Variants in ZC3H12D observed in about 807,000 individuals in gnomAD.
ZC3H12D encodes the protein probable ribonuclease ZC3H12D.
A neutral mutation model predicts 24.2 loss-of-function variants in ZC3H12D; 11 were observed. The ratio of observed to expected loss-of-function variants is 0.46; its 90% CI spans 0.29 to 0.75. ZC3H12D has a LOEUF of 0.75. Among genes scored for constraint, ZC3H12D ranks in the 30% least tolerant of loss-of-function variants. The pLI, the probability that ZC3H12D is intolerant of heterozygous loss-of-function variation, is 0.11. For synonymous variants in ZC3H12D, 333 were observed against 341.8 expected (o/e 0.97, Z 0.28); for missense variants, 740 against 767.7 (o/e 0.96, Z 0.43).
rs1413766271 is a variant in ZC3H12D at position 149,456,986 on chromosome 6, C to T, written c.446-86G>A. The T allele has an allele frequency of 2.2e-6, 3 of 1,362,134 alleles. No individual in the cohort carries two copies. The highest frequency in any genetic ancestry group is 2.9e-5 in the African/African-American group (2 of 70,068). 84.4% of individuals were successfully genotyped at this position (1,362,134 alleles called of 1,614,324 possible). A position where few individuals can be genotyped will look rare whatever the true frequency, so the allele number is the denominator to read the frequency against. On this transcript the variant is annotated intron_variant, in intron 3 of 5. Coordinates refer to ENST00000409806, the MANE Select transcript of ZC3H12D (RefSeq NM_207360.3). The surrounding 1 kb of genome is among the most constrained non-coding windows in gnomAD (Gnocchi z 4.3). ...CCCCAACGCGAGGCCACCCGCTTCC[C>T]GGGCCGGTCAGATGAGGTTTTGAGG...
intron 2 of ZC3H12D, among the ~76,000 whole-genome samples, chr6:149,467,384 C>T (rs895914148): frequency 2.0e-5 from 3 of 152,118 alleles, no homozygotes; most frequent in Non-Finnish European, 4.4e-5. Context: ...TCCCAAGTCG[C>T]TGGGACTACA....
intron 4 of ZC3H12D, among the ~76,000 whole-genome samples, chr6:149,455,669 G>T (rs755731622): frequency 2.0e-5 from 3 of 152,154 alleles, no homozygotes; most frequent in African/African-American, 7.2e-5. Context: ...AGGGCTACAT[G>T]AACCAGCCAG....
chr6:149,459,933 A>G (rs1361187889), intron 3 of ZC3H12D, among the ~76,000 whole-genome samples: 1 of 152,148 alleles, frequency 6.6e-6, no homozygotes, highest in Non-Finnish European at 1.5e-5. Flanking sequence ...ATAGTCATGC[A>G]CTGCATAACA....
chr6:149,461,594 G>C (rs1776072968), intron 3 of ZC3H12D: 1 of 320,578 alleles, frequency 3.1e-6, no homozygotes, highest in African/African-American at 2.2e-5. Context: ...CTCAACAACT[G>C]CTTATTGAAC....
At chr6:149,479,202 A>T (rs904648772) in intron 1 of ZC3H12D, among the ~76,000 whole-genome samples, 10 of 152,156 alleles carry the variant, frequency 6.6e-5, no homozygotes, top group Non-Finnish European at 1.3e-4. Flanking sequence ...TCTACAAAAA[A>T]TGTTAAAAAT....
In ZC3H12D at chr6:149,456,622, C is replaced by CCCCCCCCCCCCCCCCCCCGGGGGGAGG; in HGVS notation, c.680+43_680+44insCCTCCCCCCGGGGGGGGGGGGGGGGGG. ...GGCCACTGCCTCGACCCCGGCCCCCCGCCCCGCCGCCCCCCAGGGTGTCAG... is the reference window on the plus strand; with the variant it reads ...GGCCACTGCCTCGACCCCGGCCCCCCCCCCCCCCCCCCCCCCCCGGGGGGAGGGCCCCGCCGCCCCCCAGGGTGTCAG... On this transcript the variant is annotated intron_variant, in intron 4 of 5. Coordinates refer to ENST00000409806, the MANE Select transcript of ZC3H12D (RefSeq NM_207360.3). This position sits in a 1 kb window ranked among gnomAD's most constrained non-coding sequence, Gnocchi z 4.3. The CCCCCCCCCCCCCCCCCCCGGGGGGAGG allele has an allele frequency of 3.0e-6, 4 of 1,314,350 alleles. No homozygotes were observed. The highest frequency in any genetic ancestry group is 2.4e-5 in the East Asian group (1 of 42,326). The allele number at this position is 1,314,350 out of a possible 1,614,324, so 81.4% of individuals were successfully genotyped here. A position where few individuals can be genotyped will look rare whatever the true frequency, so the allele number is the denominator to read the frequency against.
chr6:149,456,120 T>C lies in ZC3H12D; in HGVS notation c.680+546A>G, dbSNP rs1169833021. The stretch of plus-strand genomic sequence containing the variant: ...ACAAAAAATTAGCCAGGCATGGTGG[T>C]GCGTGCCTATAATCTCAGCTACTCG... On this transcript the variant is annotated intron_variant, in intron 4 of 5. Coordinates refer to ENST00000409806, the MANE Select transcript of ZC3H12D (RefSeq NM_207360.3). This position sits in a 1 kb window ranked among gnomAD's most constrained non-coding sequence, Gnocchi z 4.3. 1.3e-5 allele frequency among the ~76,000 whole-genome samples: 2 copies of C among 151,072 alleles called. No individual in the cohort carries two copies. Among genetic ancestry groups the C allele is most frequent in the African/African-American group, 4.9e-5 (2 of 41,032 alleles).
At chr6:149,467,094 C>T (rs933556070) in intron 2 of ZC3H12D, among the ~76,000 whole-genome samples, 2 of 152,034 alleles carry the variant, frequency 1.3e-5, no homozygotes, top group Non-Finnish European at 2.9e-5. Flanking sequence ...CTCTCAGTCG[C>T]CCTGGGAGCC....
Position 149,458,148 on chromosome 6 carries a change from T to TTTTTTTTTTTTTTTTTTC in ZC3H12D, c.446-1249_446-1248insGAAAAAAAAAAAAAAAAA, listed in dbSNP as rs1562472760. Among the ~76,000 whole-genome samples, 10 of 128,080 alleles carry TTTTTTTTTTTTTTTTTTC rather than the reference T, an allele frequency of 7.8e-5. 1 individual carries two copies. Among genetic ancestry groups the TTTTTTTTTTTTTTTTTTC allele is most frequent in the African/African-American group, 3.6e-4 (10 of 27,590 alleles). The allele number at this position is 128,080 out of a possible 152,430, so 84.0% of individuals were successfully genotyped here. ...CGTTTCTTTTTTTTTTTTTTTTTTTTTTTTTGAGACAAGATCTCACTGTGT... is the reference window on the plus strand; with the variant it reads ...CGTTTCTTTTTTTTTTTTTTTTTTTTTTTTTTTTTTTTTTTTTCTTTTTGAGACAAGATCTCACTGTGT... On this transcript the variant is annotated intron_variant, in intron 3 of 5. Coordinates refer to ENST00000409806, the MANE Select transcript of ZC3H12D (RefSeq NM_207360.3).
intron 1 of ZC3H12D, among the ~76,000 whole-genome samples, chr6:149,479,188 C>T (rs1460764703): frequency 6.6e-6 from 1 of 152,046 alleles, no homozygotes; most frequent in Admixed American, 6.6e-5. Flanking sequence ...AGTGAGATCC[C>T]ATCTCTACAA....
chr6:149,459,732 G>A (rs1040773091), intron 3 of ZC3H12D: 2 of 716,944 alleles, frequency 2.8e-6, no homozygotes, highest in African/African-American at 1.7e-5. Context: ...CATTGTGGCT[G>A]TTGACCTCCT....
intron 3 of ZC3H12D, among the ~76,000 whole-genome samples, chr6:149,459,236 A>G (rs1419398820): frequency 6.6e-6 from 1 of 152,212 alleles, no homozygotes; most frequent in Non-Finnish European, 1.5e-5. Flanking sequence ...TAAGTATTAC[A>G]CTACTGTTGA....
chr6:149,456,616 G>GGGGGCCGTGCC lies in ZC3H12D; in HGVS notation c.680+49_680+50insGGCACGGCCCC. 8.8e-7 allele frequency: 1 copy of GGGGGCCGTGCC among 1,130,410 alleles called. No homozygotes were observed. Among genetic ancestry groups the GGGGGCCGTGCC allele is most frequent in the Non-Finnish European group, 1.3e-6 (1 of 763,264 alleles). 70.0% of individuals were successfully genotyped at this position (1,130,410 alleles called of 1,614,324 possible). A position where few individuals can be genotyped will look rare whatever the true frequency, so the allele number is the denominator to read the frequency against. ...AGGCGTGGCCACTGCCTCGACCCCGGCCCCCCGCCCCGCCGCCCCCCAGGG... is the reference window on the plus strand; with the variant it reads ...AGGCGTGGCCACTGCCTCGACCCCGGGGGGCCGTGCCCCCCCCGCCCCGCCGCCCCCCAGGG... On this transcript the variant is annotated intron_variant, in intron 4 of 5. Transcript: ENST00000409806. This position sits in a 1 kb window ranked among gnomAD's most constrained non-coding sequence, Gnocchi z 4.3.
At position 149,456,808 on chromosome 6, in the gene ZC3H12D, C is replaced by T. The variant is rs1200448199; in HGVS notation, c.538G>A (p.Asp180Asn). 1 of 1,613,214 alleles carries T rather than the reference C, an allele frequency of 6.2e-7. No individual in the cohort carries two copies. The highest frequency in any genetic ancestry group is 1.1e-5 in the South Asian group (1 of 91,082). The part of the protein sequence containing the change: ...VHGKRLVCYD[D>N]RYIVKVAYEQ... ...TAGGCCACCTTCACGATGTAGCGGT[C>T]GTCGTAGCAGACCAGGCGCTTGCCG... The change falls in exon 4 of 6, where the codon GAC (aspartate) becomes AAC (asparagine). Residue 180 changes from aspartate (D) to asparagine (N), a missense_variant. Asp to Asn is a conservative substitution (Grantham distance 23, BLOSUM62 1). Coordinates refer to ENST00000409806, the MANE Select transcript of ZC3H12D (RefSeq NM_207360.3). This position sits in a 1 kb window ranked among gnomAD's most constrained non-coding sequence, Gnocchi z 4.3.
chr6:149,454,086 C>T (rs1243633276), intron 4 of ZC3H12D, among the ~76,000 whole-genome samples: 1 of 152,194 alleles, frequency 6.6e-6, no homozygotes, highest in Non-Finnish European at 1.5e-5. Context: ...ACCTCGCAGA[C>T]TTAACCTCCT....
intron 1 of ZC3H12D, among the ~76,000 whole-genome samples, chr6:149,483,715 G>T (rs1776458605): frequency 6.6e-6 from 1 of 151,880 alleles, no homozygotes; most frequent in African/African-American, 2.4e-5. Context: ...GGCTGGCAGG[G>T]TTTTTTTTAT....
intron 2 of ZC3H12D, among the ~76,000 whole-genome samples, chr6:149,464,984 G>T (rs1776128803): frequency 6.6e-6 from 1 of 152,218 alleles, no homozygotes; most frequent in African/African-American, 2.4e-5. Flanking sequence ...ATGACATTTT[G>T]AATTCACACT....
rs370405209 is a variant in ZC3H12D at position 149,450,346 on chromosome 6, ACT to A, written c.*335_*336del. 1.4e-5 allele frequency: 4 copies of A among 286,024 alleles called. No homozygotes were observed. The East Asian group carries it at 2.9e-4, about 21-fold the overall frequency. 17.7% of individuals were successfully genotyped at this position (286,024 alleles called of 1,614,324 possible). Reference sequence around the variant, plus strand: ...GGTGCGCTTTGCCCTGTCCCAGTCCACTGTGTTTGTGGTGGTGACCCACTAAA... The same window carrying A: ...GGTGCGCTTTGCCCTGTCCCAGTCCAGTGTTTGTGGTGGTGACCCACTAAA... On this transcript the variant is annotated 3_prime_UTR_variant, in exon 6 of 6. Coordinates refer to ENST00000409806, the MANE Select transcript of ZC3H12D (RefSeq NM_207360.3).
At chr6:149,477,871 G>A (rs1776365604) in intron 1 of ZC3H12D, among the ~76,000 whole-genome samples, 1 of 152,120 alleles carries the variant, frequency 6.6e-6, no homozygotes, top group Admixed American at 6.6e-5. Context: ...GCATCTTCAA[G>A]GTAAAAACTA....
Sources: allele counts gnomAD v4.1 joint callset (sites outside exome capture counted in the v4.1 genomes callset), GRCh38; gene constraint gnomAD v4.1.1; non-coding constraint Gnocchi (gnomAD v3.1); transcripts MANE v1.5; gene names NCBI Gene and HGNC (gene_info 2026-07-23, HGNC 2026-07-21).